Variants in C1QTNF3 observed in about 807,000 individuals in gnomAD.
The protein encoded by C1QTNF3 is C1q and TNF related 3.
In C1QTNF3, 26 loss-of-function variants were observed where a neutral mutation model predicts 32.6. The observed-to-expected ratio is 0.80, with a 90% CI of 0.58 to 1.11. The LOEUF (loss-of-function observed/expected upper bound fraction) is 1.11, where lower values mean the gene tolerates loss of function less well. Among genes scored for constraint, C1QTNF3 ranks in the 50% least tolerant of loss-of-function variants. C1QTNF3 has a pLI of 0.00. For synonymous variants in C1QTNF3, 155 were observed against 146.0 expected, an observed-to-expected ratio of 1.06 and a Z score of -0.44; for missense variants, 362 against 398.2, an observed-to-expected ratio of 0.91 and a Z score of 0.77.
chr5:34,092,236 G>A, the C1QTNF3 span, among the ~76,000 whole-genome samples: 7 of 151,884 alleles, frequency 4.6e-5, no homozygotes, highest in Non-Finnish European at 8.8e-5. Context: ...AATATTTGAT[G>A]TAATGAGAGC....
the C1QTNF3 span, among the ~76,000 whole-genome samples, chr5:34,196,431 C>G: frequency 2.8e-4 from 43 of 152,404 alleles, no homozygotes; most frequent in Admixed American, 1.1e-3. Flanking sequence ...AGCCACCACG[C>G]CTGGTCAAAA....
intron 1 of C1QTNF3, among the ~76,000 whole-genome samples, chr5:34,037,231 C>T (rs1002095623): frequency 3.3e-5 from 5 of 151,770 alleles, no homozygotes; most frequent in Non-Finnish European, 4.4e-5. Context: ...TGTTCCTAGA[C>T]ATCAATTATA....
the C1QTNF3 span, among the ~76,000 whole-genome samples, chr5:34,119,439 C>A: frequency 6.6e-6 from 1 of 152,208 alleles, no homozygotes; most frequent in East Asian, 1.9e-4. Context: ...TCACAAGCAA[C>A]CGTCTCTCTA....
rs575975695 is a variant in C1QTNF3 at position 34,034,337 on chromosome 5, C to T, written c.416-879G>A. On this transcript the variant is annotated intron_variant, in intron 2 of 5. Transcript: ENST00000382065. ...GAACATGAGTAATTTTCATGTCATT[C>T]TGTATATTTTTCTGTTTCTTTGAAG... 5.3e-5 allele frequency among the ~76,000 whole-genome samples: 8 copies of T among 152,268 alleles called. No individual in the cohort carries two copies. The East Asian group carries it at 1.5e-3, about 29-fold the overall frequency.
the C1QTNF3 span, among the ~76,000 whole-genome samples, chr5:34,126,160 G>T: frequency 4.6e-5 from 7 of 152,192 alleles, no homozygotes; most frequent in Non-Finnish European, 8.8e-5. Context: ...CTTAGAAATG[G>T]ATTGGATATA....
At chr5:34,049,434 T>C in the C1QTNF3 span, among the ~76,000 whole-genome samples, 948 of 152,212 alleles carry the variant, frequency 6.2e-3, 10 homozygotes, top group South Asian at 0.044. Context: ...TTGACTTCTG[T>C]AGATGGAAGT....
At chr5:34,046,087 A>G (rs1237676563), upstream of C1QTNF3, among the ~76,000 whole-genome samples, 1 of 152,224 alleles carries the variant, frequency 6.6e-6, no homozygotes, top group African/African-American at 2.4e-5. Flanking sequence ...GTAAATGCCT[A>G]TATTAAAGAA....
chr5:34,021,805 A>C (rs775937028), intron 5 of C1QTNF3, among the ~76,000 whole-genome samples: 10 of 152,220 alleles, frequency 6.6e-5, no homozygotes, highest in Non-Finnish European at 1.3e-4. Flanking sequence ...AGGACAAATA[A>C]CTAACACATG....
the C1QTNF3 span, chr5:34,201,043 T>C: frequency 6.6e-6 from 1 of 152,146 alleles, no homozygotes; most frequent in Non-Finnish European, 1.5e-5. Context: ...CTATGGTTTT[T>C]AAAAACTCTT....
the C1QTNF3 span, among the ~76,000 whole-genome samples, chr5:34,054,306 C>G: frequency 6.6e-6 from 1 of 152,182 alleles, no homozygotes; most frequent in Non-Finnish European, 1.5e-5. Flanking sequence ...AGGAGGGCAT[C>G]TAGGAGAGGC....
Position 34,020,609 on chromosome 5 carries a change from C to T in C1QTNF3, c.934G>A (p.Gly312Arg), listed in dbSNP as rs1013729357. 1.9e-6 allele frequency: 3 copies of T among 1,614,212 alleles called. No homozygotes were observed. The highest frequency in any genetic ancestry group is 2.5e-6 in the Non-Finnish European group (3 of 1,180,030). Residue 312 changes from glycine to arginine, a missense_variant, in exon 6 of 6, where the codon GGA becomes AGA. Physicochemically the swap from Gly to Arg is moderately radical, Grantham distance 125. Transcript: ENST00000382065. ...TACTTAGTTTCAAAGAGCAGGAATC[C>T]TGCAAAGGTGGAGAAGCGTTGGTGG... ...GDHQRFSTFA[G>R]FLLFETK
chr5:34,036,131 C>T (rs10074541), intron 1 of C1QTNF3, among the ~76,000 whole-genome samples: 78,597 of 151,978 alleles, frequency 0.52, 20,637 homozygotes, highest in Non-Finnish European at 0.55. Context: ...GCCATAGCCC[C>T]AGATGTAGCT....
the C1QTNF3 span, among the ~76,000 whole-genome samples, chr5:34,125,426 T>C: frequency 6.6e-6 from 1 of 152,242 alleles, no homozygotes; most frequent in East Asian, 1.9e-4. Flanking sequence ...AACATTGAAT[T>C]ATTACAATGC....
At chr5:34,035,314 C>A (rs911544751) in intron 2 of C1QTNF3, among the ~76,000 whole-genome samples, 5 of 152,196 alleles carry the variant, frequency 3.3e-5, no homozygotes, top group Admixed American at 6.5e-5. Flanking sequence ...GGAAGAAGCA[C>A]TTAGCTGGAC....
At chr5:34,163,455 CT>C in the C1QTNF3 span, among the ~76,000 whole-genome samples, 1 of 146,696 alleles carries the variant, frequency 6.8e-6, no homozygotes, top group Non-Finnish European at 1.5e-5. Context: ...TAATATTTTA[CT>C]ATAAAATGTA....
At chr5:34,020,890 T>A in intron 5 of C1QTNF3, 148 bp from the exon 6 acceptor site, 4 of 751,296 alleles carry the variant, frequency 5.3e-6, no homozygotes, top group Non-Finnish European at 8.7e-6. Flanking sequence ...ATGACCTATG[T>A]ACCACTTCTA....
upstream of C1QTNF3, among the ~76,000 whole-genome samples, chr5:34,048,009 TA>T (rs1489660451): frequency 6.6e-6 from 1 of 152,246 alleles, no homozygotes; most frequent in East Asian, 1.9e-4. Context: ...ATTACATGTT[TA>T]GGGTCATTAT....
At chr5:34,084,595 A>G in the C1QTNF3 span, among the ~76,000 whole-genome samples, 1 of 151,128 alleles carries the variant, frequency 6.6e-6, no homozygotes, top group Non-Finnish European at 1.5e-5. Context: ...CATGAGCCTC[A>G]CCACATCACC....
At chr5:34,141,190 G>GCTCACTGCAACTTCGC in the C1QTNF3 span, among the ~76,000 whole-genome samples, 1 of 151,994 alleles carries the variant, frequency 6.6e-6, no homozygotes, top group African/African-American at 2.4e-5. Context: ...CGCAATCTTG[G>GCTCACTGCAACTTCGC]CTCACTGCAA....
Sources: gnomAD v4.1 joint callset for allele counts (sites outside exome capture counted in the v4.1 genomes callset) on GRCh38, gnomAD v4.1.1 for gene constraint, MANE v1.5 for transcripts, NCBI Gene and HGNC (gene_info 2026-07-23, HGNC 2026-07-21) for gene names.